The following EYA2 variants were observed in gnomAD, a reference collection of about 807,000 sequenced individuals.
EYA2 encodes protein phosphatase EYA2.
EYA2 carries 31 observed loss-of-function variants against 69.2 expected under a neutral mutation model. The ratio of observed to expected loss-of-function variants is 0.45; its 90% CI spans 0.34 to 0.60. The LOEUF (loss-of-function observed/expected upper bound fraction) is 0.60, where lower values mean the gene tolerates loss of function less well. Among genes scored for constraint, EYA2 ranks in the 20% least tolerant of loss-of-function variants. EYA2 has a pLI of 0.02. For synonymous variants in EYA2, 257 were observed against 279.4 expected (o/e 0.92, Z 0.80); for missense variants, 622 against 701.2 (o/e 0.89, Z 1.28).
chr20:46,950,323 A>G (rs757782300), intron 1 of EYA2, among the ~76,000 whole-genome samples: 15 of 152,218 alleles, frequency 9.9e-5, no homozygotes, highest in Non-Finnish European at 1.8e-4. Flanking sequence ...TTTCACAACC[A>G]TAAAATAATC....
chr20:47,164,791 G>A (rs2034147104), intron 10 of EYA2, among the ~76,000 whole-genome samples: 1 of 152,142 alleles, frequency 6.6e-6, no homozygotes, highest in East Asian at 1.9e-4. Flanking sequence ...AGAACAAGAA[G>A]AGAAAGGGAA....
At chr20:47,148,811 C>T (rs898500672) in intron 10 of EYA2, among the ~76,000 whole-genome samples, 43 of 152,228 alleles carry the variant, frequency 2.8e-4, no homozygotes, top group African/African-American at 9.4e-4. Context: ...CCCCACTCTA[C>T]TGCACTCACT....
intron 1 of EYA2, among the ~76,000 whole-genome samples, chr20:46,961,009 G>A (rs139913794): frequency 6.6e-6 from 1 of 152,290 alleles, no homozygotes; most frequent in Non-Finnish European, 1.5e-5. Flanking sequence ...CTGGAGGTTT[G>A]GCTGATAATT....
intron 1 of EYA2, among the ~76,000 whole-genome samples, chr20:46,978,002 C>A (rs1980564833): frequency 6.6e-6 from 1 of 152,182 alleles, no homozygotes; most frequent in East Asian, 1.9e-4. Flanking sequence ...CGTGATATAC[C>A]TGTATCAAAA....
intron 1 of EYA2, among the ~76,000 whole-genome samples, chr20:46,952,299 G>A (rs891163779): frequency 1.3e-5 from 2 of 152,138 alleles, no homozygotes; most frequent in African/African-American, 4.8e-5. Flanking sequence ...AGGCCAGTGT[G>A]AGAGATGGAG....
rs536865678 is a variant in EYA2 at position 47,003,234 on chromosome 20, G to C, written c.156-1708G>C. On this transcript the variant is annotated intron_variant, in intron 3 of 15. Coordinates refer to ENST00000327619, the MANE Select transcript of EYA2 (RefSeq NM_005244.5). The stretch of plus-strand genomic sequence containing the variant: ...GTGGCGTGTTATTAAGTCTCTCTCT[G>C]CCTCTGTTTTCTTACCTGTAAAATG... 3.5e-4 allele frequency among the ~76,000 whole-genome samples: 53 copies of C among 152,306 alleles called. 1 individual carries two copies. In the South Asian group the frequency reaches 8.5e-3, roughly 24 times the overall value.
At chr20:47,089,195 C>G (rs2146504571) in intron 7 of EYA2, 44 bp from the exon 8 acceptor site, 2 of 1,603,248 alleles carry the variant, frequency 1.2e-6, no homozygotes, top group East Asian at 2.2e-5. Flanking sequence ...AGGAGACACC[C>G]AGCAAAGCTT....
rs549770771 is a variant in EYA2, at chr20:47,073,503, G to C, written c.484-655G>C. Among the ~76,000 whole-genome samples the C allele has an allele frequency of 7.2e-5, 11 of 151,778 alleles. No homozygotes were observed. In the East Asian group the frequency reaches 1.9e-3, roughly 27 times the overall value. On this transcript the variant is annotated intron_variant, in intron 6 of 15. Coordinates refer to ENST00000327619, the MANE Select transcript of EYA2 (RefSeq NM_005244.5). Reference sequence around the variant, plus strand: ...GTTTGTGTGTGTGTCGTGGGGGGGGGGTGCAGTGTGGTCTTAATTGTTAAT... The same window carrying C: ...GTTTGTGTGTGTGTCGTGGGGGGGGCGTGCAGTGTGGTCTTAATTGTTAAT...
chr20:47,064,851 T>C (rs772453450), intron 5 of EYA2, among the ~76,000 whole-genome samples: 25 of 152,078 alleles, frequency 1.6e-4, no homozygotes, highest in Non-Finnish European at 3.2e-4. Context: ...GTGTCCAACA[T>C]GAGAGATGCT....
chr20:47,098,818 C>G (rs2146521693), intron 9 of EYA2, among the ~76,000 whole-genome samples: 1 of 152,354 alleles, frequency 6.6e-6, no homozygotes, highest in East Asian at 1.9e-4. Context: ...GAAAAATCTT[C>G]AGTGGCTTCC....
intron 1 of EYA2, among the ~76,000 whole-genome samples, chr20:46,951,117 G>A (rs1316100201): frequency 6.6e-6 from 1 of 152,160 alleles, no homozygotes; most frequent in Non-Finnish European, 1.5e-5. Context: ...TTTGCCGAAG[G>A]GATTTAGGCA....
At chr20:47,072,958 T>C (rs2031371685) in intron 6 of EYA2, among the ~76,000 whole-genome samples, 1 of 152,244 alleles carries the variant, frequency 6.6e-6, no homozygotes, top group African/African-American at 2.4e-5. Flanking sequence ...AGAATCTAAA[T>C]AATTTAAAAC....
intron 7 of EYA2, 144 bp from the exon 8 acceptor site, chr20:47,089,095 C>T: frequency 1.1e-6 from 1 of 873,668 alleles, no homozygotes; most frequent in Non-Finnish European, 1.8e-6. Context: ...CTTCCAAGGG[C>T]AGTTTTCATC....
chr20:47,188,215 C>T lies in EYA2; in HGVS notation c.*82C>T. The stretch of plus-strand genomic sequence containing the variant: ...ACCTCCCCACCGAGAACTCCAGAGA[C>T]CCAGATGTTGGACACCAGGAAGGGG... On this transcript the variant is annotated 3_prime_UTR_variant, in exon 16 of 16. Transcript: ENST00000327619. 1.4e-6 allele frequency: 2 copies of T among 1,382,758 alleles called. No individual in the cohort carries two copies. The highest frequency in any genetic ancestry group is 9.9e-7 in the Non-Finnish European group (1 of 1,006,926). 85.7% of individuals were successfully genotyped at this position (1,382,758 alleles called of 1,614,324 possible).
intron 9 of EYA2, among the ~76,000 whole-genome samples, chr20:47,101,307 G>A (rs1272879098): frequency 2.0e-5 from 3 of 152,104 alleles, no homozygotes; most frequent in South Asian, 2.1e-4. Flanking sequence ...GGCTGGTCTC[G>A]AACTCTTGGG....
intron 5 of EYA2, among the ~76,000 whole-genome samples, chr20:47,044,162 C>G (rs1160351609): frequency 6.6e-6 from 1 of 152,188 alleles, no homozygotes; most frequent in Non-Finnish European, 1.5e-5. Context: ...TCAAAGTCAT[C>G]ATAGACTCAG....
chr20:47,016,262 C>T lies in EYA2; in HGVS notation c.380C>T (p.Pro127Leu), dbSNP rs770068078. The part of the protein sequence containing the change: ...LSYGSSFSTS[P>L]TGQSPYTYQM... ...TATGGCTCCAGCTTCAGCACCTCAC[C>T]CACTGGACAGAGCCCATACACCTAC... The change falls in exon 5 of 16, where the codon CCC (proline) becomes CTC (leucine). Residue 127 changes from proline to leucine, a missense_variant. Pro to Leu is a moderately conservative substitution (Grantham distance 98, BLOSUM62 -3). Transcript: ENST00000327619. 11 of 1,614,160 alleles carry T rather than the reference C, an allele frequency of 6.8e-6. No homozygotes were observed. Among genetic ancestry groups the T allele is most frequent in the Non-Finnish European group, 8.5e-6 (10 of 1,180,006 alleles).
chr20:47,072,145 C>T, intron 5 of EYA2, 40 bp from the exon 6 acceptor site: 1 of 1,581,782 alleles, frequency 6.3e-7, no homozygotes, highest in Admixed American at 1.7e-5. Context: ...GAAAAAAAGA[C>T]AAGAACCCTA....
chr20:47,052,162 A>G (rs1174442953), intron 5 of EYA2, among the ~76,000 whole-genome samples: 2 of 152,182 alleles, frequency 1.3e-5, no homozygotes, highest in Non-Finnish European at 2.9e-5. Flanking sequence ...TGGGAATGTG[A>G]TAAACAATAA....
Sources: gnomAD v4.1 joint callset for allele counts (sites outside exome capture counted in the v4.1 genomes callset) on GRCh38, gnomAD v4.1.1 for gene constraint, MANE v1.5 for transcripts, NCBI Gene and HGNC (gene_info 2026-07-23, HGNC 2026-07-21) for gene names.